CGNL1: variants seen among roughly 807,000 people sequenced by gnomAD.
CGNL1 encodes cingulin like 1.
A neutral mutation model predicts 141.2 loss-of-function variants in CGNL1; 132 were observed. The observed-to-expected ratio is 0.93, with a 90% CI of 0.81 to 1.08. The LOEUF is 1.08. Ranked by LOEUF, CGNL1 falls within the 50% of genes least tolerant of loss-of-function variation. The probability of loss-of-function intolerance (pLI) is 0.00; values close to 1 mark genes in which losing one functional copy is unlikely to be tolerated. For synonymous variants in CGNL1, 690 were observed against 622.1 expected (o/e 1.11, Z -1.63); for missense variants, 1,870 against 1,588.6 (o/e 1.18, Z -3.01).
At chr15:57,434,160 T>C (rs1362028510) in intron 1 of CGNL1, among the ~76,000 whole-genome samples, 1 of 152,192 alleles carries the variant, frequency 6.6e-6, no homozygotes. Context: ...AGAAGAAAGT[T>C]ACAGTTTTCC....
At chr15:57,442,551 T>C (rs565621154) in intron 4 of CGNL1, 73 bp downstream of exon 4, 1 of 928,294 alleles carries the variant, frequency 1.1e-6, no homozygotes, top group East Asian at 2.5e-5. Context: ...GTTTCTTCAG[T>C]CTGTATGTTT....
At chr15:57,444,002 T>G (rs747964509) in intron 4 of CGNL1, among the ~76,000 whole-genome samples, 1 of 152,096 alleles carries the variant, frequency 6.6e-6, no homozygotes, top group Non-Finnish European at 1.5e-5. Context: ...ATCTGTACAG[T>G]TCATTGAATT....
At chr15:57,457,180 C>T (rs1416976196) in intron 7 of CGNL1, among the ~76,000 whole-genome samples, 5 of 152,192 alleles carry the variant, frequency 3.3e-5, no homozygotes, top group African/African-American at 1.2e-4. Flanking sequence ...CTGGGAAGCA[C>T]TTATGCAAAA....
At chr15:57,386,798 G>A (rs1595647591) in intron 1 of CGNL1, among the ~76,000 whole-genome samples, 1 of 152,154 alleles carries the variant, frequency 6.6e-6, no homozygotes, top group African/African-American at 2.4e-5. Context: ...CAATAAATGA[G>A]TTGCTGTTAG....
chr15:57,444,520 C>T (rs1317552385), intron 4 of CGNL1, among the ~76,000 whole-genome samples: 5 of 152,208 alleles, frequency 3.3e-5, no homozygotes, highest in African/African-American at 1.2e-4. Flanking sequence ...TTAGAGTGAG[C>T]GCAGTCTTTG....
At chr15:57,403,620 C>T (rs143173362) in intron 1 of CGNL1, among the ~76,000 whole-genome samples, 6 of 152,214 alleles carry the variant, frequency 3.9e-5, no homozygotes, top group Non-Finnish European at 7.4e-5. Flanking sequence ...CCATGGCAGA[C>T]CTCAGTGGCT....
At chr15:57,397,856 C>T (rs1165359062) in intron 1 of CGNL1, among the ~76,000 whole-genome samples, 1 of 151,348 alleles carries the variant, frequency 6.6e-6, no homozygotes, top group Non-Finnish European at 1.5e-5. Flanking sequence ...GATCTCAGCT[C>T]ACTGCAATCT....
At chr15:57,409,141 C>T (rs540043432) in intron 1 of CGNL1, among the ~76,000 whole-genome samples, 47 of 152,096 alleles carry the variant, frequency 3.1e-4, no homozygotes, top group Non-Finnish European at 5.9e-4. Context: ...TAACCACGTG[C>T]ACACGCGTGT....
intron 8 of CGNL1, among the ~76,000 whole-genome samples, chr15:57,506,675 G>A (rs894002707): frequency 2.0e-5 from 3 of 152,164 alleles, no homozygotes; most frequent in Admixed American, 6.5e-5. Context: ...AACTAGCAGA[G>A]GTCACAAGCA....
At chr15:57,406,275 C>T (rs963611563) in intron 1 of CGNL1, among the ~76,000 whole-genome samples, 4 of 152,182 alleles carry the variant, frequency 2.6e-5, no homozygotes, top group Admixed American at 2.0e-4. Context: ...GAAGAGGGGA[C>T]AGGGACGCTG....
chr15:57,508,035 G>A (rs1310742219), intron 8 of CGNL1, among the ~76,000 whole-genome samples: 1 of 152,180 alleles, frequency 6.6e-6, no homozygotes, highest in Non-Finnish European at 1.5e-5. Flanking sequence ...AAAAGAAATT[G>A]AATATTGATC....
At chr15:57,401,298 A>G (rs2152250843) in intron 1 of CGNL1, among the ~76,000 whole-genome samples, 1 of 152,324 alleles carries the variant, frequency 6.6e-6, no homozygotes, top group Admixed American at 6.5e-5. Context: ...TCTTCTGTTC[A>G]GAGTTAATTA....
At chr15:57,521,088 C>T (rs897009271) in intron 10 of CGNL1, among the ~76,000 whole-genome samples, 4 of 152,064 alleles carry the variant, frequency 2.6e-5, no homozygotes, top group East Asian at 3.8e-4. Flanking sequence ...TTCCTGGCCT[C>T]GGAAATAGAG....
chr15:57,376,749 G>T (rs1178905424), intron 1 of CGNL1, among the ~76,000 whole-genome samples, 182 bp downstream of exon 1: 1 of 151,390 alleles, frequency 6.6e-6, no homozygotes. Context: ...TCGAAGATGC[G>T]ACCCGGACTC....
At chr15:57,472,658 T>C (rs2063597539) in intron 8 of CGNL1, among the ~76,000 whole-genome samples, 1 of 152,276 alleles carries the variant, frequency 6.6e-6, no homozygotes, top group South Asian at 2.1e-4. Flanking sequence ...CTCTCCTGAC[T>C]CCTGTGGAGA....
intron 1 of CGNL1, among the ~76,000 whole-genome samples, chr15:57,427,407 C>T (rs539871168): frequency 6.0e-4 from 91 of 152,208 alleles, no homozygotes; most frequent in African/African-American, 2.1e-3. Flanking sequence ...CTCTGGGACC[C>T]GTGCAAACAA....
Position 57,410,315 on chromosome 15 carries a change from A to G in CGNL1, c.-15-27670A>G, listed in dbSNP as rs115258432. The stretch of plus-strand genomic sequence containing the variant: ...AATGTGAACCTAGGCAAAGTGCACA[A>G]AACAGTACCTGACTCATGATAGTTC... On this transcript the variant is annotated intron_variant, in intron 1 of 18. Coordinates refer to ENST00000281282, the MANE Select transcript of CGNL1 (RefSeq NM_032866.5). Among the ~76,000 whole-genome samples the G allele has an allele frequency of 6.2e-3, 937 of 152,336 alleles. 13 individuals carry two copies. Among genetic ancestry groups the G allele is most frequent in the African/African-American group, 0.022 (895 of 41,574 alleles).
chr15:57,478,846 T>C (rs2063689414), intron 8 of CGNL1, among the ~76,000 whole-genome samples: 4 of 152,148 alleles, frequency 2.6e-5, no homozygotes, highest in Admixed American at 2.6e-4. Flanking sequence ...GCCGTGTTGC[T>C]CATGTTGGTA....
intron 8 of CGNL1, among the ~76,000 whole-genome samples, chr15:57,513,387 T>C (rs776762423): frequency 6.6e-6 from 1 of 152,116 alleles, no homozygotes; most frequent in Non-Finnish European, 1.5e-5. Context: ...GGCCAAATAA[T>C]ATTCCATTCT....
Sources: allele counts gnomAD v4.1 joint callset (sites outside exome capture counted in the v4.1 genomes callset), GRCh38; gene constraint gnomAD v4.1.1; transcripts MANE v1.5; gene names NCBI Gene and HGNC (gene_info 2026-07-23, HGNC 2026-07-21).